Variants in IGF2R observed in about 807,000 individuals in gnomAD.
The protein encoded by IGF2R is insulin like growth factor 2 receptor.
In IGF2R, 91 loss-of-function variants were observed where a neutral mutation model predicts 270.6. The ratio of observed to expected loss-of-function variants is 0.34; its 90% CI spans 0.28 to 0.40. The LOEUF (loss-of-function observed/expected upper bound fraction) is 0.40, where lower values mean the gene tolerates loss of function less well. Ranked by LOEUF, IGF2R falls within the 10% of genes least tolerant of loss-of-function variation. The pLI is 1.00. For synonymous variants in IGF2R, 1,316 were observed against 1,258.9 expected, an observed-to-expected ratio of 1.05 and a Z score of -0.96; for missense variants, 2,805 against 3,188.3, an observed-to-expected ratio of 0.88 and a Z score of 2.90.
chr6:159,989,316 T>G (rs1335853923), intron 1 of IGF2R, among the ~76,000 whole-genome samples: 1 of 152,022 alleles, frequency 6.6e-6, no homozygotes, highest in Non-Finnish European at 1.5e-5. Context: ...GGAGGGCACG[T>G]GGGGGGGCCT....
At chr6:160,006,933 G>C (rs556877512) in intron 2 of IGF2R, 2 of 108,608 alleles carry the variant, frequency 1.8e-5, no homozygotes, top group East Asian at 6.8e-4. Context: ...TTTTTTTACT[G>C]TATCTAATTT....
chr6:160,044,432 CTTTT>C (rs374255645), intron 12 of IGF2R, 78 bp from the exon 13 acceptor site: 1 of 1,048,604 alleles, frequency 9.5e-7, no homozygotes, highest in East Asian at 2.8e-5. Context: ...CTCTTTCTTT[CTTTT>C]TTTTTTAAGT....
intron 18 of IGF2R, 150 bp downstream of exon 18, chr6:160,048,693 A>C: frequency 1.5e-6 from 1 of 684,876 alleles, no homozygotes; most frequent in Non-Finnish European, 2.4e-6. Context: ...ATGTGAACTC[A>C]TCTGCCTCCT....
intron 39 of IGF2R, among the ~76,000 whole-genome samples, chr6:160,083,428 CT>C (rs1340357798): frequency 6.6e-6 from 1 of 152,196 alleles, no homozygotes; most frequent in Non-Finnish European, 1.5e-5. Flanking sequence ...AGAAAGTGGC[CT>C]TCCTCCATCT....
chr6:160,101,946 G>A (rs986126993), intron 45 of IGF2R, among the ~76,000 whole-genome samples: 4 of 152,204 alleles, frequency 2.6e-5, no homozygotes, highest in Non-Finnish European at 4.4e-5. Flanking sequence ...GATGGAGCAG[G>A]CTTGGAGAGA....
chr6:160,015,145 A>G (rs1777255849), intron 4 of IGF2R, among the ~76,000 whole-genome samples: 1 of 152,238 alleles, frequency 6.6e-6, no homozygotes, highest in African/African-American at 2.4e-5. Context: ...TTCTAAGAGA[A>G]ATTTGAAAGC....
chr6:160,034,187 C>T lies in IGF2R; in HGVS notation c.1212-232C>T, dbSNP rs559233729. The stretch of plus-strand genomic sequence containing the variant: ...GTCTTCATGCTCACAGCAAAACCTT[C>T]GGCACTTTCTTCCAGCCAGTTACTA... On this transcript the variant is annotated intron_variant, in intron 9 of 47. Transcript: ENST00000356956. 3.9e-5 allele frequency among the ~76,000 whole-genome samples: 6 copies of T among 152,322 alleles called. No homozygotes were observed. The East Asian group carries it at 7.7e-4, about 20-fold the overall frequency.
At chr6:160,058,257 G>A (rs1778356255) in intron 21 of IGF2R, 133 bp downstream of exon 21, 3 of 642,036 alleles carry the variant, frequency 4.7e-6, no homozygotes, top group Admixed American at 2.6e-5. Context: ...AGAAGGAGAT[G>A]GGAAAATCCA....
At position 160,061,509 on chromosome 6, in the gene IGF2R, C is replaced by G; in HGVS notation, c.3269C>G (p.Ala1090Gly). 1.2e-6 allele frequency: 2 copies of G among 1,613,812 alleles called. No homozygotes were observed. Among genetic ancestry groups the G allele is most frequent in the Non-Finnish European group, 1.7e-6 (2 of 1,179,880 alleles). Reference sequence around the variant, plus strand: ...GTTTTTTGTTGTGTTTCAGACCTGGCTGGAAATGAGTACGACCTGACTGGC... The same window carrying G: ...GTTTTTTGTTGTGTTTCAGACCTGGGTGGAAATGAGTACGACCTGACTGGC... ...SPVDCQVTDL[A>G]GNEYDLTGLS... The change falls in exon 24 of 48, where the codon GCT becomes GGT. Residue 1090 changes from alanine (A) to glycine (G), a missense_variant. By Grantham distance (60) the Ala-to-Gly change is moderately conservative. Transcript: ENST00000356956.
intron 8 of IGF2R, 86 bp from the exon 9 acceptor site, chr6:160,032,856 A>T: frequency 7.2e-7 from 1 of 1,394,850 alleles, no homozygotes; most frequent in East Asian, 2.3e-5. Context: ...CAGAAATAGG[A>T]TTCAGGTTTG....
chr6:160,012,746 T>TAA (rs1491338932), intron 4 of IGF2R, among the ~76,000 whole-genome samples: 1 of 62,950 alleles, frequency 1.6e-5, no homozygotes, highest in Admixed American at 1.4e-4. Context: ...CCGGCTAATT[T>TAA]ATATATATAT....
rs565725111 is a variant in IGF2R at position 160,071,476 on chromosome 6, G to T, written c.4444-434G>T. ...AAGCCTTGGCTGGTGCCAGTGGGAG[G>T]ATGCGTGGAATGGGCTAGTTCTCTT... On this transcript the variant is annotated intron_variant, in intron 31 of 47. Coordinates refer to ENST00000356956, the MANE Select transcript of IGF2R (RefSeq NM_000876.4). Among the ~76,000 whole-genome samples, 92 of 152,328 alleles carry T rather than the reference G, an allele frequency of 6.0e-4. 1 individual carries two copies. The highest frequency in any genetic ancestry group is 2.1e-3 in the African/African-American group (89 of 41,556).
intron 1 of IGF2R, among the ~76,000 whole-genome samples, chr6:159,986,023 A>C (rs1160070891): frequency 6.6e-6 from 1 of 152,100 alleles, no homozygotes; most frequent in African/African-American, 2.4e-5. Context: ...AATTTTGTAC[A>C]ACTGGGACAA....
chr6:160,020,375 C>T (rs750204508), intron 4 of IGF2R, among the ~76,000 whole-genome samples: 2 of 151,982 alleles, frequency 1.3e-5, no homozygotes, highest in Admixed American at 6.6e-5. Context: ...TTATATTGCC[C>T]GAAACAATCC....
chr6:160,097,675 T>A (rs1006336026), intron 45 of IGF2R, among the ~76,000 whole-genome samples: 25 of 152,178 alleles, frequency 1.6e-4, no homozygotes, highest in Admixed American at 1.6e-3. Flanking sequence ...TCCTGAGACT[T>A]TAAGATTGGG....
intron 31 of IGF2R, among the ~76,000 whole-genome samples, chr6:160,071,188 G>C (rs1479169593): frequency 1.6e-4 from 24 of 147,796 alleles, no homozygotes; most frequent in African/African-American, 5.4e-4. Flanking sequence ...AAGGGTGTGT[G>C]GAGGCCCTGT....
Position 160,053,278 on chromosome 6 carries a change from G to C in IGF2R, c.2694+2626G>C, listed in dbSNP as rs57905622. On this transcript the variant is annotated intron_variant, in intron 19 of 47. Coordinates refer to ENST00000356956, the MANE Select transcript of IGF2R (RefSeq NM_000876.4). Reference sequence around the variant, plus strand: ...CACACCAGGGCCTGTTGGGGGCTGGGGGGGAGGGATAGCATTAGGAGAAAT... The same window carrying C: ...CACACCAGGGCCTGTTGGGGGCTGGCGGGGAGGGATAGCATTAGGAGAAAT... 4.5e-3 allele frequency among the ~76,000 whole-genome samples: 688 copies of C among 152,152 alleles called. 7 individuals carry two copies. The highest frequency in any genetic ancestry group is 0.03 in the South Asian group (146 of 4,820).
chr6:160,068,065 GGTGT>G (rs879058804), intron 29 of IGF2R, among the ~76,000 whole-genome samples, 180 bp from the exon 30 acceptor site: 147 of 77,456 alleles, frequency 1.9e-3, no homozygotes, highest in East Asian at 0.013. Context: ...TCTGATGGGG[GGTGT>G]GTGTGTGTGT....
chr6:160,034,658 C>T, intron 10 of IGF2R, 136 bp downstream of exon 10: 1 of 543,164 alleles, frequency 1.8e-6, no homozygotes, highest in South Asian at 2.9e-5. Context: ...CCAGCTCTAG[C>T]CCCCAGACTG....
Sources: gnomAD v4.1 joint callset for allele counts (sites outside exome capture counted in the v4.1 genomes callset) on GRCh38, gnomAD v4.1.1 for gene constraint, MANE v1.5 for transcripts, NCBI Gene and HGNC (gene_info 2026-07-23, HGNC 2026-07-21) for gene names.